Variants in MMRN2 observed in about 807,000 individuals in gnomAD.
MMRN2 encodes the protein multimerin 2.
MMRN2 carries 53 observed loss-of-function variants against 68.8 expected under a neutral mutation model. The ratio of observed to expected loss-of-function variants is 0.77; its 90% CI spans 0.62 to 0.97. The LOEUF is 0.97. Ranked by LOEUF, MMRN2 falls within the 50% of genes least tolerant of loss-of-function variation. The probability of loss-of-function intolerance (pLI) is 0.00; values close to 1 mark genes in which losing one functional copy is unlikely to be tolerated. For synonymous variants in MMRN2, 564 were observed against 551.6 expected (o/e 1.02, Z -0.32); for missense variants, 1,266 against 1,259.5 (o/e 1.01, Z -0.08).
chr10:86,943,728 A>G lies in MMRN2; in HGVS notation c.1056T>C (p.Ser352=), dbSNP rs775789987. The stretch of plus-strand genomic sequence containing the variant: ...CAGCCCCAGGCGTTGCCAACACCAG[A>G]CTGCCATTGGTCCCTGGGGCCTCCT... ...KAQEAPGTNG[S]LVLATPGAGA... Residue 352 remains serine (S), a synonymous_variant, in exon 6 of 7, where the codon AGT becomes AGC. Coordinates refer to ENST00000372027, the MANE Select transcript of MMRN2 (RefSeq NM_024756.3). This position sits in a 1 kb window ranked among gnomAD's most constrained non-coding sequence, Gnocchi z 4.2. 2 of 1,608,668 alleles carry G rather than the reference A, an allele frequency of 1.2e-6. No homozygotes were observed. The highest frequency in any genetic ancestry group is 1.3e-5 in the African/African-American group (1 of 74,930).
At position 86,945,386 on chromosome 10, in the gene MMRN2, G is replaced by A; in HGVS notation, c.384C>T (p.Pro128=). 1.9e-6 allele frequency: 3 copies of A among 1,589,422 alleles called. No homozygotes were observed. Among genetic ancestry groups the A allele is most frequent in the Non-Finnish European group, 2.6e-6 (3 of 1,167,146 alleles). ...AWRCCPGYTG[P]NCEHHDSMAI... is the part of the protein sequence containing the mutation. ...GAGCCCTACCGTGGTGCTCGCAGTTGGGGCCCGTGTAGCCAGGGCAGCACC... is the reference window on the plus strand; with the variant it reads ...GAGCCCTACCGTGGTGCTCGCAGTTAGGGCCCGTGTAGCCAGGGCAGCACC... The change falls in exon 3 of 7, where the codon CCC becomes CCT. Residue 128 remains proline (P), a synonymous_variant. Coordinates refer to ENST00000372027, the MANE Select transcript of MMRN2 (RefSeq NM_024756.3).
At chr10:86,955,699 A>G (rs192893254) in intron 1 of MMRN2, among the ~76,000 whole-genome samples, 69 of 152,328 alleles carry the variant, frequency 4.5e-4, no homozygotes, top group African/African-American at 1.6e-3. Context: ...TAATCAGCCC[A>G]GGAAGCCGCG....
At chr10:86,952,660 G>T (rs1037532037) in intron 1 of MMRN2, among the ~76,000 whole-genome samples, 3 of 152,162 alleles carry the variant, frequency 2.0e-5, no homozygotes, top group African/African-American at 7.2e-5. Context: ...GCAGAGCAAA[G>T]ATCATATGCT....
chr10:86,946,778 C>T (rs887966695), intron 1 of MMRN2, among the ~76,000 whole-genome samples: 16 of 152,222 alleles, frequency 1.1e-4, no homozygotes, highest in Non-Finnish European at 7.3e-5. Context: ...GTGCTGCACT[C>T]AAGCTCAGGG....
chr10:86,942,416 C>A lies in MMRN2; in HGVS notation c.2368G>T (p.Ala790Ser). 6.2e-7 allele frequency: 1 copy of A among 1,614,212 alleles called. No individual in the cohort carries two copies. Residue 790 changes from alanine to serine, a missense_variant, in exon 6 of 7, where the codon GCT becomes TCT. Transcript: ENST00000372027. ...KGKKQQKDLE[A>S]PRKRDKKEAE... ...TCCTTCTTGTCCCTCTTCCGGGGAG[C>A]TTCCAGGTCTTTCTGCTGCTTCTTC...
chr10:86,942,769 G>A lies in MMRN2; in HGVS notation c.2015C>T (p.Pro672Leu). The change falls in exon 6 of 7, where the codon CCG becomes CTG. Residue 672 changes from proline to leucine, a missense_variant. Pro to Leu is a moderately conservative substitution (Grantham distance 98). Coordinates refer to ENST00000372027, the MANE Select transcript of MMRN2 (RefSeq NM_024756.3). ...VTALEQASEP[P>L]RPAEHLEPSH... is the part of the protein sequence containing the mutation. ...GGGCTCCAGGTGCTCTGCCGGCCGC[G>A]GGGGCTCCGAGGCCTGCTCCAGGGC... 1 of 1,371,900 alleles carries A rather than the reference G, an allele frequency of 7.3e-7. No individual in the cohort carries two copies. The highest frequency in any genetic ancestry group is 9.4e-7 in the Non-Finnish European group (1 of 1,069,080). The allele number at this position is 1,371,900 out of a possible 1,614,324, so 85.0% of individuals were successfully genotyped here.
chr10:86,945,065 G>A (rs1356588143), intron 4 of MMRN2, 123 bp downstream of exon 4: 1 of 820,682 alleles, frequency 1.2e-6, no homozygotes, highest in South Asian at 1.6e-5. Context: ...CACAGAGCAG[G>A]CCTTGCTGAT....
rs1439789154 is a variant in MMRN2, at chr10:86,943,125, C to T, written c.1659G>A (p.Glu553=). ...ACGTGGCCGCCCGCGCCCGCTCGCCCTCCGCTTTGTGCGCGTCCACGGCCA... is the reference window on the plus strand; with the variant it reads ...ACGTGGCCGCCCGCGCCCGCTCGCCTTCCGCTTTGTGCGCGTCCACGGCCA... ...VSLAVDAHKA[E]GERARAATSR... is the part of the protein sequence containing the mutation. The change falls in exon 6 of 7, where the codon GAG becomes GAA. Residue 553 remains glutamate, a synonymous_variant. Transcript: ENST00000372027. The surrounding 1 kb of genome is among the most constrained non-coding windows in gnomAD (Gnocchi z 4.2). The T allele has an allele frequency of 1.3e-6, 2 of 1,561,968 alleles. No homozygotes were observed. Among genetic ancestry groups the T allele is most frequent in the South Asian group, 2.3e-5 (2 of 86,520 alleles).
chr10:86,952,396 G>A (rs1174608609), intron 1 of MMRN2, among the ~76,000 whole-genome samples: 1 of 152,236 alleles, frequency 6.6e-6, no homozygotes, highest in Non-Finnish European at 1.5e-5. Context: ...CATGGGCTCA[G>A]TATTGGGGGA....
In MMRN2 at chr10:86,936,980, CAGGT is replaced by C. The variant is rs749191564; in HGVS notation, c.2609_2612del (p.Tyr870CysfsTer4). 20 of 1,614,108 alleles carry C rather than the reference CAGGT, an allele frequency of 1.2e-5. No individual in the cohort carries two copies. Among genetic ancestry groups the C allele is most frequent in the South Asian group, 2.2e-5 (2 of 91,092 alleles). ...GGCCAAATTCAACGCTCACTGCAAA[CAGGT>C]AGACACCACGCTCAGGGGCTCGGAA... On this transcript the variant is annotated frameshift_variant, in exon 7 of 7. Coordinates refer to ENST00000372027, the MANE Select transcript of MMRN2 (RefSeq NM_024756.3). LOFTEE classifies it low-confidence loss of function (END_TRUNC).
Position 86,942,967 on chromosome 10 carries a change from T to A in MMRN2, c.1817A>T (p.His606Leu). Residue 606 changes from histidine to leucine, a missense_variant, in exon 6 of 7, where the codon CAC (histidine) becomes CTC (leucine). Coordinates refer to ENST00000372027, the MANE Select transcript of MMRN2 (RefSeq NM_024756.3). ...GAAGAGCGCGGCCAGCACCGCCTCGTGCCGCAGCGCGTCCTCCAGCAGGGC... is the reference window on the plus strand; with the variant it reads ...GAAGAGCGCGGCCAGCACCGCCTCGAGCCGCAGCGCGTCCTCCAGCAGGGC... Reference protein sequence around the residue: ...FAALLEDALRHEAVLAALFGE... With the variant: ...FAALLEDALRLEAVLAALFGE... 1 of 1,494,382 alleles carries A rather than the reference T, an allele frequency of 6.7e-7. No homozygotes were observed. The highest frequency in any genetic ancestry group is 8.9e-7 in the Non-Finnish European group (1 of 1,123,402). 92.6% of individuals were successfully genotyped at this position (1,494,382 alleles called of 1,614,324 possible).
chr10:86,957,004 T>A (rs1396521031), intron 1 of MMRN2, among the ~76,000 whole-genome samples: 1 of 152,212 alleles, frequency 6.6e-6, no homozygotes, highest in East Asian at 1.9e-4. Context: ...CAGGGCAGCC[T>A]TGCTGGGTCT....
Position 86,937,053 on chromosome 10 carries a change from G to A in MMRN2, c.2540C>T (p.Thr847Ile). 3.1e-6 allele frequency: 5 copies of A among 1,614,232 alleles called. No individual in the cohort carries two copies. The South Asian group carries it at 4.4e-5, about 14-fold the overall frequency. Residue 847 changes from threonine (T) to isoleucine (I), a missense_variant, in exon 7 of 7, where the codon ACA becomes ATA. Thr to Ile is a moderately conservative substitution (Grantham distance 89). Transcript: ENST00000372027. Reference protein sequence around the residue: ...AALQTVKFNTTYINIGSSYFP... With the variant: ...AALQTVKFNTIYINIGSSYFP... ...GTAGCTGCTGCCAATGTTGATGTATGTGGTGTTGAACTTCACTGTCTGCAG... is the reference window on the plus strand; with the variant it reads ...GTAGCTGCTGCCAATGTTGATGTATATGGTGTTGAACTTCACTGTCTGCAG...
At position 86,943,826 on chromosome 10, in the gene MMRN2, A is replaced by C. The variant is rs1357439618; in HGVS notation, c.958T>G (p.Phe320Val). ...TCTGAGATCGAGCGGTGCAGGGTAA[A>C]GTGCTGGGCGTGCAGGCGGTCCTCC... Reference protein sequence around the residue: ...DVEDRLHAQHFTLHRSISELQ... With the variant: ...DVEDRLHAQHVTLHRSISELQ... Residue 320 changes from phenylalanine (F) to valine (V), a missense_variant, in exon 6 of 7, where the codon TTT (phenylalanine) becomes GTT (valine). Phe to Val is a conservative substitution (Grantham distance 50, BLOSUM62 -1). Transcript: ENST00000372027. This position sits in a 1 kb window ranked among gnomAD's most constrained non-coding sequence, Gnocchi z 4.2. 1.9e-6 allele frequency: 3 copies of C among 1,612,098 alleles called. No homozygotes were observed. In the African/African-American group the frequency reaches 4.0e-5, roughly 22 times the overall value.
At chr10:86,951,479 C>T (rs1365879702) in intron 1 of MMRN2, among the ~76,000 whole-genome samples, 1 of 152,236 alleles carries the variant, frequency 6.6e-6, no homozygotes, top group African/African-American at 2.4e-5. Context: ...GCCCCTGATG[C>T]TGGCCATGGT....
chr10:86,949,875 C>CAATAATAATAATAATAATAAT (rs753050526), intron 1 of MMRN2: 1 of 121,120 alleles, frequency 8.3e-6, no homozygotes, highest in African/African-American at 3.5e-5. Flanking sequence ...GACTCCGTCT[C>CAATAATAATAATAATAATAAT]AATAATAATA....
intron 6 of MMRN2, among the ~76,000 whole-genome samples, chr10:86,939,839 T>TTGTG (rs1179394300): frequency 7.6e-4 from 91 of 120,366 alleles, no homozygotes; most frequent in African/African-American, 2.5e-3. Context: ...GTGTGTGTGT[T>TTGTG]TGTGTGTGTG....
At position 86,939,669 on chromosome 10, in the gene MMRN2, A is replaced by ACC. The variant is rs139691921; in HGVS notation, c.2468-2546_2468-2545dup. On this transcript the variant is annotated intron_variant, in intron 6 of 6. Transcript: ENST00000372027. ...GCAGGGAGTTCCGCCGCAGAGAGAG[A>ACC]CCCCCACCCCAACCCAGCCTTGCGC... is the stretch of plus-strand genomic sequence containing the variant. Among the ~76,000 whole-genome samples, 787 of 150,126 alleles carry ACC rather than the reference A, an allele frequency of 5.2e-3. 3 individuals carry two copies. Among genetic ancestry groups the ACC allele is most frequent in the South Asian group, 0.015 (71 of 4,680 alleles).
At position 86,942,741 on chromosome 10, in the gene MMRN2, G is replaced by A; in HGVS notation, c.2043C>T (p.Ser681=). The A allele has an allele frequency of 7.1e-7, 1 of 1,414,136 alleles. No homozygotes were observed. Among genetic ancestry groups the A allele is most frequent in the East Asian group, 2.8e-5 (1 of 35,212 alleles). The allele number at this position is 1,414,136 out of a possible 1,614,324, so 87.6% of individuals were successfully genotyped here. The part of the protein sequence containing the change: ...PPRPAEHLEP[S]HDAGREEAAT... Reference sequence around the variant, plus strand: ...CGGCCTCCTCGCGGCCCGCGTCGTGGCTGGGCTCCAGGTGCTCTGCCGGCC... The same window carrying A: ...CGGCCTCCTCGCGGCCCGCGTCGTGACTGGGCTCCAGGTGCTCTGCCGGCC... The change falls in exon 6 of 7, where the codon AGC becomes AGT. Residue 681 remains serine (S), a synonymous_variant. Coordinates refer to ENST00000372027, the MANE Select transcript of MMRN2 (RefSeq NM_024756.3).
Sources: allele counts gnomAD v4.1 joint callset (sites outside exome capture counted in the v4.1 genomes callset), GRCh38; gene constraint gnomAD v4.1.1; non-coding constraint Gnocchi (gnomAD v3.1); transcripts MANE v1.5; gene names NCBI Gene and HGNC (gene_info 2026-07-23, HGNC 2026-07-21).